INSYN2A: variants seen among roughly 807,000 people sequenced by gnomAD.
The protein encoded by INSYN2A is inhibitory synaptic factor 2A, also known as family with sequence similarity 196 member A.
A neutral mutation model predicts 39.4 loss-of-function variants in INSYN2A; 17 were observed. That is an observed-to-expected ratio of 0.43 (90% CI 0.30 to 0.65). INSYN2A has a LOEUF of 0.65. INSYN2A is among the 30% of genes least tolerant of loss of function. INSYN2A has a pLI of 0.14. For missense variants in INSYN2A, 595 were observed against 631.2 expected, an observed-to-expected ratio of 0.94 and a Z score of 0.61; for synonymous variants, 255 against 265.7, an observed-to-expected ratio of 0.96 and a Z score of 0.39.
intron 4 of INSYN2A, among the ~76,000 whole-genome samples, chr10:127,172,206 C>G (rs2054640383): frequency 6.6e-6 from 1 of 152,130 alleles, no homozygotes. Context: ...TTCTAAAGTC[C>G]TAGAACTTGC....
intron 2 of INSYN2A, among the ~76,000 whole-genome samples, chr10:127,187,448 C>A (rs149575827): frequency 6.6e-5 from 10 of 152,262 alleles, no homozygotes; most frequent in Non-Finnish European, 1.3e-4. Context: ...CCTCACATGA[C>A]CCCTGTATGC....
chr10:127,172,075 C>T (rs1216638656), intron 4 of INSYN2A, among the ~76,000 whole-genome samples: 1 of 152,200 alleles, frequency 6.6e-6, no homozygotes. Flanking sequence ...TCAGTGTACA[C>T]AGAGTGCATT....
intron 5 of INSYN2A, among the ~76,000 whole-genome samples, chr10:127,141,277 G>A (rs1023013131): frequency 6.6e-6 from 1 of 152,124 alleles, no homozygotes; most frequent in Admixed American, 6.6e-5. Flanking sequence ...GCATCTTCTC[G>A]AATGCAGGCA....
chr10:127,175,680 T>C lies in INSYN2A; in HGVS notation c.716A>G (p.Glu239Gly). Residue 239 changes from glutamate to glycine, a missense_variant, in exon 4 of 6, where the codon GAG (glutamate) becomes GGG (glycine). By Grantham distance (98) the Glu-to-Gly change is moderately conservative (BLOSUM62 -2). Around this residue, in one of 2 missense-constraint regions of INSYN2A, gnomAD observed 478 missense variants for 467.4 expected, o/e 1.02. Transcript: ENST00000522781. This position sits in a 1 kb window ranked among gnomAD's most constrained non-coding sequence, Gnocchi z 6.3. ...CCTCCTGAGGGCAGGTGGAGCGGGC[T>C]CCTCGGAGTTTGGCCTCCCCCGGTC... is the stretch of plus-strand genomic sequence containing the variant. The part of the protein sequence containing the change: ...KQDRGRPNSE[E>G]PAPPALRRVF... The C allele has an allele frequency of 6.2e-6, 10 of 1,613,746 alleles. No homozygotes were observed. The highest frequency in any genetic ancestry group is 8.5e-6 in the Non-Finnish European group (10 of 1,179,978).
At position 127,137,699 on chromosome 10, in the gene INSYN2A, T is replaced by C; in HGVS notation, c.*138A>G. ...TAATTATCTATTGGTACAAAGGCCT[T>C]TTTGGTACGCAGGGCGAGAAGTGGG... On this transcript the variant is annotated 3_prime_UTR_variant, in exon 6 of 6. Coordinates refer to ENST00000522781, the MANE Select transcript of INSYN2A (RefSeq NM_001039762.3). 1 of 739,018 alleles carries C rather than the reference T, an allele frequency of 1.4e-6. No individual in the cohort carries two copies. Among genetic ancestry groups the C allele is most frequent in the Non-Finnish European group, 2.2e-6 (1 of 459,054 alleles). The allele number at this position is 739,018 out of a possible 1,614,324, so 45.8% of individuals were successfully genotyped here. A position where few individuals can be genotyped will look rare whatever the true frequency, so the allele number is the denominator to read the frequency against.
chr10:127,193,565 C>A (rs1416784854), intron 1 of INSYN2A, among the ~76,000 whole-genome samples: 8 of 152,128 alleles, frequency 5.3e-5, no homozygotes, highest in African/African-American at 1.9e-4. Context: ...ATAGCCATGG[C>A]TGGGCGCAAA....
At chr10:127,158,502 A>G (rs1471294225) in intron 4 of INSYN2A, among the ~76,000 whole-genome samples, 6 of 152,234 alleles carry the variant, frequency 3.9e-5, no homozygotes, top group Non-Finnish European at 8.8e-5. Context: ...CCTGTATTAT[A>G]TATACATAGG....
At chr10:127,194,823 GTTCA>G (rs1246530243) in intron 1 of INSYN2A, among the ~76,000 whole-genome samples, 2 of 152,182 alleles carry the variant, frequency 1.3e-5, no homozygotes, top group African/African-American at 4.8e-5. Flanking sequence ...CTCCCCCAAA[GTTCA>G]TTCCCACTCT....
In INSYN2A at chr10:127,149,825, A is replaced by G. The variant is rs189116864; in HGVS notation, c.1256+4027T>C. Among the ~76,000 whole-genome samples the G allele has an allele frequency of 8.5e-5, 13 of 152,260 alleles. No homozygotes were observed. In the East Asian group the frequency reaches 2.1e-3, roughly 25 times the overall value. ...TTTTGAAATTCCTTTAAGCTACCCA[A>G]TCCCGGGGTGTTCCAGGCATCCCAT... is the stretch of plus-strand genomic sequence containing the variant. On this transcript the variant is annotated intron_variant, in intron 5 of 5. Transcript: ENST00000522781.
At position 127,176,540 on chromosome 10, in the gene INSYN2A, G is replaced by C; in HGVS notation, c.-5-140C>G. ...CAGGTGAGGTCGGCCTTTATGTTAAGGAAAATCACACGGGCTGAGAGTCGC... is the reference window on the plus strand; with the variant it reads ...CAGGTGAGGTCGGCCTTTATGTTAACGAAAATCACACGGGCTGAGAGTCGC... On this transcript the variant is annotated intron_variant, in intron 3 of 5. Transcript: ENST00000522781. The surrounding 1 kb of genome is among the most constrained non-coding windows in gnomAD (Gnocchi z 4.4). 1.5e-6 allele frequency: 1 copy of C among 677,812 alleles called. No homozygotes were observed. Among genetic ancestry groups the C allele is most frequent in the Non-Finnish European group, 2.4e-6 (1 of 408,450 alleles). The allele number at this position is 677,812 out of a possible 1,614,324, so 42.0% of individuals were successfully genotyped here.
intron 5 of INSYN2A, among the ~76,000 whole-genome samples, chr10:127,150,213 C>T (rs1483632151): frequency 6.6e-6 from 1 of 152,202 alleles, no homozygotes; most frequent in East Asian, 1.9e-4. Flanking sequence ...GCCCAAGGAA[C>T]TCACTGGGTT....
intron 5 of INSYN2A, among the ~76,000 whole-genome samples, chr10:127,138,643 C>T (rs763503096): frequency 6.6e-6 from 1 of 152,188 alleles, no homozygotes; most frequent in Non-Finnish European, 1.5e-5. Context: ...TTACTAACCA[C>T]AGTTTCTTTG....
At chr10:127,154,048 T>C (rs938274575) in intron 4 of INSYN2A, 125 bp from the exon 5 acceptor site, 1 of 690,146 alleles carries the variant, frequency 1.4e-6, no homozygotes, top group Non-Finnish European at 2.6e-6. Context: ...AATTGATTAA[T>C]GCATGCTTCC....
Position 127,186,515 on chromosome 10 carries a change from G to GC in INSYN2A, c.-269+6089dup, listed in dbSNP as rs1412882423. Reference sequence around the variant, plus strand: ...ACAGCATGGGAGAAACCGCCCCCCCGCCCCCCCCCGATCCAGTTACCTCCA... The same window carrying GC: ...ACAGCATGGGAGAAACCGCCCCCCCGCCCCCCCCCCGATCCAGTTACCTCCA... On this transcript the variant is annotated intron_variant, in intron 2 of 5. Transcript: ENST00000522781. 4.8e-4 allele frequency among the ~76,000 whole-genome samples: 6 copies of GC among 12,582 alleles called. 1 individual carries two copies. Among genetic ancestry groups the GC allele is most frequent in the East Asian group, 3.4e-3 (2 of 594 alleles). The allele number at this position is 12,582 out of a possible 152,430, so 8.3% of individuals were successfully genotyped here.
chr10:127,177,507 T>A (rs1162973043), intron 2 of INSYN2A, among the ~76,000 whole-genome samples: 1 of 152,240 alleles, frequency 6.6e-6, no homozygotes, highest in Non-Finnish European at 1.5e-5. Flanking sequence ...TCCCCCCTTG[T>A]GTTTGAGAAG....
chr10:127,164,298 C>T (rs981833540), intron 4 of INSYN2A, among the ~76,000 whole-genome samples: 2 of 149,676 alleles, frequency 1.3e-5, no homozygotes, highest in Non-Finnish European at 3.0e-5. Flanking sequence ...ATTCTCCTCC[C>T]TCAGCCTCTT....
intron 4 of INSYN2A, among the ~76,000 whole-genome samples, chr10:127,159,431 A>C (rs934163880): frequency 6.6e-6 from 1 of 152,170 alleles, no homozygotes; most frequent in Admixed American, 6.5e-5. Flanking sequence ...TACTATCAGC[A>C]ATTCCTGAAT....
intron 4 of INSYN2A, among the ~76,000 whole-genome samples, chr10:127,164,159 CTTTTTTTTTTTTTTTTTTTTTTTTT>C (rs528947051): frequency 1.9e-4 from 12 of 63,578 alleles, no homozygotes; most frequent in Admixed American, 9.3e-4. Flanking sequence ...CATTTGCCTC[CTTTTTTTTTTTTTTTTTTTTTTTTT>C]TTTTTTTTTT....
At chr10:127,156,568 T>A (rs2053095346) in intron 4 of INSYN2A, among the ~76,000 whole-genome samples, 1 of 139,014 alleles carries the variant, frequency 7.2e-6, no homozygotes, top group South Asian at 2.4e-4. Flanking sequence ...TCTTCTTTTT[T>A]TTTTTTTTTT....
Sources: allele counts gnomAD v4.1 joint callset (sites outside exome capture counted in the v4.1 genomes callset), GRCh38; gene constraint gnomAD v4.1.1; regional missense constraint gnomAD v4.1.1; non-coding constraint Gnocchi (gnomAD v3.1); transcripts MANE v1.5; gene names NCBI Gene and HGNC (gene_info 2026-07-23, HGNC 2026-07-21).